Variants in FGGY observed in about 807,000 individuals in gnomAD.
FGGY encodes FGGY carbohydrate kinase domain-containing protein.
FGGY carries 72 observed loss-of-function variants against 71.3 expected under a neutral mutation model. That is an observed-to-expected ratio of 1.01 (90% CI 0.84 to 1.23). FGGY has a LOEUF of 1.23. Among genes scored for constraint, FGGY ranks in the 50% most tolerant of loss-of-function variants. The pLI, the probability that FGGY is intolerant of heterozygous loss-of-function variation, is 0.00. For missense variants in FGGY, 668 were observed against 682.3 expected (o/e 0.98, Z 0.23); for synonymous variants, 251 against 250.3 (o/e 1.00, Z -0.02).
chr1:59,604,734 T>C (rs1309684696), intron 8 of FGGY, among the ~76,000 whole-genome samples: 5 of 152,178 alleles, frequency 3.3e-5, no homozygotes, highest in Non-Finnish European at 5.9e-5. Flanking sequence ...GTACTAACCA[T>C]AGACAACTTA....
chr1:59,369,920 C>T (rs1043512966), intron 4 of FGGY, among the ~76,000 whole-genome samples: 3 of 152,078 alleles, frequency 2.0e-5, no homozygotes, highest in Admixed American at 2.0e-4. Flanking sequence ...CTGTATATCA[C>T]CATCATCAAA....
intron 5 of FGGY, among the ~76,000 whole-genome samples, chr1:59,394,340 G>A (rs1294027028): frequency 1.3e-5 from 2 of 152,208 alleles, no homozygotes; most frequent in East Asian, 3.9e-4. Context: ...TTACATAAAA[G>A]CTTCAGGCCC....
At chr1:59,471,177 T>A (rs2092922902) in intron 6 of FGGY, among the ~76,000 whole-genome samples, 2 of 150,830 alleles carry the variant, frequency 1.3e-5, no homozygotes, top group African/African-American at 4.9e-5. Flanking sequence ...TCCCCAATGC[T>A]GTTCTCTTGA....
intron 13 of FGGY, among the ~76,000 whole-genome samples, chr1:59,670,078 C>T (rs571613814): frequency 6.6e-6 from 1 of 152,300 alleles, no homozygotes; most frequent in Non-Finnish European, 1.5e-5. Context: ...GACAAAGAGA[C>T]CTTTTATTTA....
chr1:59,429,670 A>T (rs1286918463), intron 5 of FGGY, among the ~76,000 whole-genome samples: 1 of 152,298 alleles, frequency 6.6e-6, no homozygotes, highest in Admixed American at 6.5e-5. Flanking sequence ...ATATGCATCC[A>T]TGCATACACA....
In FGGY at chr1:59,500,313, C is replaced by T. The variant is rs1377008955; in HGVS notation, c.671-11998C>T. On this transcript the variant is annotated intron_variant, in intron 6 of 15. Coordinates refer to ENST00000303721, the MANE Select transcript of FGGY (RefSeq NM_018291.5). ...TATTTAAAATCCTGAATAAAGATATCACCTTAGTTTTATGGTACGTTTGTC... is the reference window on the plus strand; with the variant it reads ...TATTTAAAATCCTGAATAAAGATATTACCTTAGTTTTATGGTACGTTTGTC... Among the ~76,000 whole-genome samples the T allele has an allele frequency of 5.9e-5, 9 of 152,194 alleles. 1 individual carries two copies. The East Asian group carries it at 1.7e-3, about 29-fold the overall frequency.
At chr1:59,696,616 A>G (rs578191326) in intron 14 of FGGY, among the ~76,000 whole-genome samples, 1 of 152,304 alleles carries the variant, frequency 6.6e-6, no homozygotes, top group East Asian at 1.9e-4. Flanking sequence ...GCTCCTTCCA[A>G]GAGGCCTTTC....
chr1:59,595,451 G>A (rs751953558), intron 8 of FGGY, among the ~76,000 whole-genome samples: 17 of 152,212 alleles, frequency 1.1e-4, no homozygotes, highest in Non-Finnish European at 2.2e-4. Context: ...AGCACTTTAG[G>A]AGACCAAGGT....
At chr1:59,648,140 G>A (rs888167627) in intron 11 of FGGY, among the ~76,000 whole-genome samples, 11 of 117,656 alleles carry the variant, frequency 9.3e-5, no homozygotes, top group African/African-American at 4.1e-4. Flanking sequence ...TCTTAATCGA[G>A]TCTATCATTG....
At chr1:59,721,335 TTG>T (rs1016211846) in intron 14 of FGGY, among the ~76,000 whole-genome samples, 3 of 89,382 alleles carry the variant, frequency 3.4e-5, no homozygotes, top group African/African-American at 1.1e-4. Flanking sequence ...TTTCTTTCCT[TTG>T]TTTTTTTTTT....
Position 59,378,835 on chromosome 1 carries a change from A to G in FGGY, c.552A>G (p.Ala184=), listed in dbSNP as rs1300196916. The part of the protein sequence containing the change: ...FLSWKATGVT[A]RSLCSLVCKW... ...CGTGGAAGGCAACAGGTGTCACAGCACGGTATGTTAATTACAAGTTGGATT... is the reference window on the plus strand; with the variant it reads ...CGTGGAAGGCAACAGGTGTCACAGCGCGGTATGTTAATTACAAGTTGGATT... Residue 184 remains alanine (A), a splice_region_variant and synonymous_variant, in exon 5 of 16, where the codon GCA becomes GCG. Transcript: ENST00000303721. The G allele has an allele frequency of 7.4e-6, 12 of 1,611,660 alleles. No homozygotes were observed. Among genetic ancestry groups the G allele is most frequent in the African/African-American group, 1.3e-5 (1 of 74,836 alleles).
chr1:59,313,568 TCA>T (rs150331627), intron 1 of FGGY, among the ~76,000 whole-genome samples: 18 of 151,108 alleles, frequency 1.2e-4, no homozygotes, highest in Admixed American at 4.0e-4. Context: ...GATATATGTA[TCA>T]CACACACACA....
At chr1:59,306,655 C>A (rs771166508) in intron 1 of FGGY, among the ~76,000 whole-genome samples, 1 of 152,176 alleles carries the variant, frequency 6.6e-6, no homozygotes, top group African/African-American at 2.4e-5. Context: ...CTCCATTGCT[C>A]AAACCCAACT....
At position 59,410,717 on chromosome 1, in the gene FGGY, A is replaced by C. The variant is rs187272322; in HGVS notation, c.554+31880A>C. Among the ~76,000 whole-genome samples the C allele has an allele frequency of 6.6e-5, 10 of 152,336 alleles. No individual in the cohort carries two copies. In the East Asian group the frequency reaches 1.9e-3, roughly 29 times the overall value. On this transcript the variant is annotated intron_variant, in intron 5 of 15. Coordinates refer to ENST00000303721, the MANE Select transcript of FGGY (RefSeq NM_018291.5). ...AACAGAGAACAGGGCTCAGACTCTG[A>C]GGCTCGGGCAGGTAATTGAATCTAG...
chr1:59,325,364 A>AACAACAAC (rs1296747454), intron 2 of FGGY, among the ~76,000 whole-genome samples: 1 of 61,300 alleles, frequency 1.6e-5, no homozygotes, highest in African/African-American at 7.0e-5. Flanking sequence ...GTCCAACAAC[A>AACAACAAC]GCAACAACAA....
At chr1:59,311,236 C>T (rs1570104847) in intron 1 of FGGY, among the ~76,000 whole-genome samples, 1 of 151,640 alleles carries the variant, frequency 6.6e-6, no homozygotes, top group East Asian at 1.9e-4. Context: ...GATAACAAAC[C>T]TGAAATTTTT....
chr1:59,692,653 T>G (rs12119481), intron 14 of FGGY, among the ~76,000 whole-genome samples: 26,258 of 148,426 alleles, frequency 0.18, 2,670 homozygotes, highest in Admixed American at 0.3. Context: ...AAAAAAAAGT[T>G]GGGGGAGAAA....
At chr1:59,693,547 A>G (rs950687674) in intron 14 of FGGY, among the ~76,000 whole-genome samples, 2 of 152,200 alleles carry the variant, frequency 1.3e-5, no homozygotes, top group Admixed American at 6.5e-5. Context: ...GAGAAGAAGA[A>G]GAGGAAGGAG....
At chr1:59,533,245 C>CAGAT (rs201418287) in intron 7 of FGGY, among the ~76,000 whole-genome samples, 25,758 of 152,142 alleles carry the variant, frequency 0.17, 2,602 homozygotes, top group South Asian at 0.34. Flanking sequence ...AAAGGGGTGA[C>CAGAT]AGCACCTGGA....
Sources: gnomAD v4.1 joint callset for allele counts (sites outside exome capture counted in the v4.1 genomes callset) on GRCh38, gnomAD v4.1.1 for gene constraint, MANE v1.5 for transcripts, NCBI Gene and HGNC (gene_info 2026-07-23, HGNC 2026-07-21) for gene names.